The following ATAD2B variants were observed in gnomAD, a reference collection of about 807,000 sequenced individuals.
ATAD2B encodes ATPase family AAA domain-containing protein 2B.
A neutral mutation model predicts 167.6 loss-of-function variants in ATAD2B; 40 were observed. The observed-to-expected ratio is 0.24, with a 90% confidence interval of 0.19 to 0.31. The LOEUF (loss-of-function observed/expected upper bound fraction) is 0.31, where lower values mean the gene tolerates loss of function less well. ATAD2B is among the 10% of genes least tolerant of loss of function. The pLI, the probability that ATAD2B is intolerant of heterozygous loss-of-function variation, is 1.00. For missense variants in ATAD2B, 1,242 were observed against 1,757.2 expected (o/e 0.71, Z 5.24); for synonymous variants, 579 against 596.5 (o/e 0.97, Z 0.43).
chr2:23,756,053 G>C (rs561898524), intron 25 of ATAD2B, among the ~76,000 whole-genome samples: 1 of 151,908 alleles, frequency 6.6e-6, no homozygotes, highest in Non-Finnish European at 1.5e-5. Context: ...GCCTTTTTCA[G>C]CACGCTTATG....
At chr2:23,866,518 GA>G (rs1345614227) in intron 10 of ATAD2B, among the ~76,000 whole-genome samples, 2 of 152,044 alleles carry the variant, frequency 1.3e-5, no homozygotes, top group African/African-American at 2.4e-5. Context: ...AAATAAAAAT[GA>G]AGAAAAAAAT....
intron 18 of ATAD2B, 42 bp from the exon 19 acceptor site, chr2:23,798,365 TTATTC>T: frequency 6.9e-7 from 1 of 1,459,512 alleles, no homozygotes; most frequent in Non-Finnish European, 9.4e-7. Context: ...CTCAAATTGA[TTATTC>T]TAAAGTCTAC....
downstream of ATAD2B, among the ~76,000 whole-genome samples, chr2:23,745,651 G>A (rs1466775246): frequency 6.6e-6 from 1 of 152,078 alleles, no homozygotes; most frequent in Non-Finnish European, 1.5e-5. Flanking sequence ...TCTTAAATGG[G>A]ACCAACAACA....
intron 14 of ATAD2B, among the ~76,000 whole-genome samples, chr2:23,830,603 T>C (rs1241984137): frequency 2.0e-5 from 3 of 152,162 alleles, no homozygotes; most frequent in Admixed American, 1.3e-4. Flanking sequence ...CTGGAATCAA[T>C]AGCTACAGTT....
intron 21 of ATAD2B, 155 bp downstream of exon 21, chr2:23,785,872 G>T: frequency 1.7e-6 from 1 of 591,728 alleles, no homozygotes; most frequent in East Asian, 3.0e-5. Flanking sequence ...GATGTTTGCT[G>T]ATGACATCGG....
At chr2:23,858,147 G>C (rs564215093) in intron 12 of ATAD2B, among the ~76,000 whole-genome samples, 141 of 151,666 alleles carry the variant, frequency 9.3e-4, no homozygotes, top group Non-Finnish European at 8.5e-4. Flanking sequence ...TTGAGACAGA[G>C]TCTTGCTCTG....
the ATAD2B span, among the ~76,000 whole-genome samples, chr2:23,719,956 A>T: frequency 1.3e-5 from 2 of 152,216 alleles, no homozygotes; most frequent in African/African-American, 4.8e-5. Flanking sequence ...CCTGGGCACG[A>T]GTCCTTAGCC....
chr2:23,717,278 G>A, the ATAD2B span, among the ~76,000 whole-genome samples: 1 of 152,104 alleles, frequency 6.6e-6, no homozygotes, highest in Admixed American at 6.5e-5. Flanking sequence ...ATGCACAGGG[G>A]CCATGCTGAG....
chr2:23,802,222 T>TA (rs56016736), intron 18 of ATAD2B, among the ~76,000 whole-genome samples: 12,057 of 152,022 alleles, frequency 0.079, 611 homozygotes, highest in Middle Eastern at 0.12. Flanking sequence ...TTATAAAAAT[T>TA]AAAAGGCACT....
At chr2:23,683,138 G>A in the ATAD2B span, among the ~76,000 whole-genome samples, 1 of 152,228 alleles carries the variant, frequency 6.6e-6, no homozygotes, top group Admixed American at 6.5e-5. Flanking sequence ...GCAGGGCTGG[G>A]GCCAGGAAGG....
intron 22 of ATAD2B, among the ~76,000 whole-genome samples, chr2:23,772,969 T>G (rs956129895): frequency 6.6e-5 from 10 of 152,178 alleles, no homozygotes; most frequent in Non-Finnish European, 2.9e-5. Flanking sequence ...CTCACATTCC[T>G]GGGCTCAAGC....
At chr2:23,891,043 T>A (rs1233573705) in intron 2 of ATAD2B, among the ~76,000 whole-genome samples, 4 of 144,768 alleles carry the variant, frequency 2.8e-5, no homozygotes, top group African/African-American at 1.0e-4. Flanking sequence ...TTTTTTGAGG[T>A]GGAGTCTTGC....
chr2:23,849,084 G>C (rs1040309287), intron 13 of ATAD2B, among the ~76,000 whole-genome samples: 1 of 151,838 alleles, frequency 6.6e-6, no homozygotes, highest in Admixed American at 6.6e-5. Flanking sequence ...GAAAACAGCA[G>C]ACACAAATAG....
chr2:23,798,414 C>A, intron 18 of ATAD2B, 91 bp from the exon 19 acceptor site: 2 of 1,004,980 alleles, frequency 2.0e-6, no homozygotes, highest in South Asian at 2.2e-5. Flanking sequence ...ATATGTCAGG[C>A]CTATTATGGT....
intron 1 of ATAD2B, among the ~76,000 whole-genome samples, chr2:23,919,609 G>C (rs926702084): frequency 6.6e-6 from 1 of 152,038 alleles, no homozygotes; most frequent in African/African-American, 2.4e-5. Context: ...TTGAGAGGCC[G>C]AGGCGGGCAA....
intron 10 of ATAD2B, among the ~76,000 whole-genome samples, chr2:23,867,171 T>C (rs188212067): frequency 2.6e-5 from 4 of 152,310 alleles, no homozygotes; most frequent in Non-Finnish European, 4.4e-5. Flanking sequence ...ATACAACTAA[T>C]TAAATCATCT....
intron 13 of ATAD2B, among the ~76,000 whole-genome samples, chr2:23,840,374 G>C (rs886405837): frequency 6.6e-6 from 1 of 151,966 alleles, no homozygotes; most frequent in African/African-American, 2.4e-5. Flanking sequence ...CCAGAGGCTC[G>C]TCAGTTTTTT....
chr2:23,911,388 T>C (rs776361580), intron 1 of ATAD2B, among the ~76,000 whole-genome samples: 3 of 151,582 alleles, frequency 2.0e-5, no homozygotes, highest in Non-Finnish European at 4.4e-5. Flanking sequence ...ACCCCATCTC[T>C]ACAAAAAATA....
chr2:23,832,180 AC>A, intron 14 of ATAD2B: 2 of 465,348 alleles, frequency 4.3e-6, no homozygotes, highest in South Asian at 3.2e-5. Context: ...CTACCAGAAC[AC>A]CCCACTGTCT....
Sources: allele counts gnomAD v4.1 joint callset (sites outside exome capture counted in the v4.1 genomes callset), GRCh38; gene constraint gnomAD v4.1.1; transcripts MANE v1.5; gene names NCBI Gene and HGNC (gene_info 2026-07-23, HGNC 2026-07-21).